The following SCN9A variants were observed in gnomAD, a reference collection of about 807,000 sequenced individuals.
The protein encoded by SCN9A is sodium voltage-gated channel alpha subunit 9.
A neutral mutation model predicts 187.0 loss-of-function variants in SCN9A; 131 were observed. That is an observed-to-expected ratio of 0.70 (90% CI 0.61 to 0.81). The LOEUF is 0.81. Among genes scored for constraint, SCN9A ranks in the 30% least tolerant of loss-of-function variants. The pLI is 0.00. For missense variants in SCN9A, 2,252 were observed against 2,396.6 expected (o/e 0.94, Z 1.26); for synonymous variants, 809 against 808.6 (o/e 1.00, Z -0.01).
chr2:166,334,286 A>G (rs942519585), intron 1 of SCN9A, among the ~76,000 whole-genome samples: 1 of 152,120 alleles, frequency 6.6e-6, no homozygotes, highest in African/African-American at 2.4e-5. Flanking sequence ...TAAATGCTGA[A>G]ATAGAATAAT....
intron 17 of SCN9A, among the ~76,000 whole-genome samples, chr2:166,260,805 G>C (rs1309547476): frequency 2.6e-5 from 4 of 151,732 alleles, no homozygotes; most frequent in Non-Finnish European, 5.9e-5. Flanking sequence ...TAAAATATCT[G>C]TGTTCAGTAA....
chr2:166,349,933 T>C (rs1238075324), intron 1 of SCN9A, among the ~76,000 whole-genome samples: 8 of 151,492 alleles, frequency 5.3e-5, no homozygotes, highest in Non-Finnish European at 8.8e-5. Context: ...GATTGCGCCA[T>C]TGCACTCCAG....
chr2:166,309,265 T>C (rs1698864061), intron 2 of SCN9A, among the ~76,000 whole-genome samples: 12 of 152,142 alleles, frequency 7.9e-5, no homozygotes, highest in Admixed American at 7.9e-4. Context: ...ACTTGAAATT[T>C]TAATAAAAAG....
At chr2:166,332,322 A>C (rs1699524517) in intron 1 of SCN9A, among the ~76,000 whole-genome samples, 1 of 152,150 alleles carries the variant, frequency 6.6e-6, no homozygotes, top group African/African-American at 2.4e-5. Flanking sequence ...CTTCCAATGA[A>C]TGCATGAGTA....
rs77192374 is a variant in SCN9A at position 166,323,511 on chromosome 2, T to TA, written c.-50-11706dup. Reference sequence around the variant, plus strand: ...TTCACAGTAAAAATTGTAAATCCTCTAAAAAATCACTGAAGTAAACACCAA... The same window carrying TA: ...TTCACAGTAAAAATTGTAAATCCTCTAAAAAAATCACTGAAGTAAACACCAA... On this transcript the variant is annotated intron_variant, in intron 1 of 26. Coordinates refer to ENST00000642356, the MANE Select transcript of SCN9A (RefSeq NM_001365536.1). Among the ~76,000 whole-genome samples, 547 of 152,174 alleles carry TA rather than the reference T, an allele frequency of 3.6e-3. 13 individuals carry two copies. In the East Asian group the frequency reaches 0.068, roughly 19 times the overall value.
chr2:166,288,320 C>T, intron 10 of SCN9A, 117 bp downstream of exon 10: 1 of 746,342 alleles, frequency 1.3e-6, no homozygotes, highest in Non-Finnish European at 2.1e-6. Flanking sequence ...ACAGTTTATA[C>T]ACAAAAATTC....
intron 1 of SCN9A, among the ~76,000 whole-genome samples, chr2:166,340,270 A>C (rs892286218): frequency 1.3e-5 from 2 of 152,186 alleles, no homozygotes; most frequent in Non-Finnish European, 2.9e-5. Flanking sequence ...AAAACATGCC[A>C]TTTTAACATT....
At chr2:166,209,491 C>T (rs934478915) in intron 24 of SCN9A, among the ~76,000 whole-genome samples, 7 of 151,930 alleles carry the variant, frequency 4.6e-5, no homozygotes, top group Non-Finnish European at 7.4e-5. Flanking sequence ...TATACACACA[C>T]ACACAAAAAG....
intron 2 of SCN9A, among the ~76,000 whole-genome samples, chr2:166,308,157 A>T (rs1030203436): frequency 1.3e-5 from 2 of 152,246 alleles, no homozygotes; most frequent in African/African-American, 4.8e-5. Context: ...ATTCACTTTT[A>T]CATGGAAAAT....
intron 1 of SCN9A, among the ~76,000 whole-genome samples, chr2:166,321,792 T>C (rs950154516): frequency 5.1e-4 from 51 of 100,558 alleles, no homozygotes; most frequent in African/African-American, 2.4e-3. Context: ...CCTGGCAAAA[T>C]CTTTTTTTTT....
intron 4 of SCN9A, among the ~76,000 whole-genome samples, chr2:166,306,241 A>T (rs1220079468): frequency 6.6e-6 from 1 of 152,146 alleles, no homozygotes; most frequent in Non-Finnish European, 1.5e-5. Flanking sequence ...TATAAAACAT[A>T]CACCCAAGAA....
chr2:166,352,043 A>C (rs1481509932), intron 1 of SCN9A, among the ~76,000 whole-genome samples: 1 of 152,210 alleles, frequency 6.6e-6, no homozygotes, highest in Non-Finnish European at 1.5e-5. Flanking sequence ...TTTCTTAAGA[A>C]ACACGTACAA....
chr2:166,355,657 C>G (rs1386306404), intron 1 of SCN9A, among the ~76,000 whole-genome samples: 2 of 151,752 alleles, frequency 1.3e-5, no homozygotes, highest in Non-Finnish European at 2.9e-5. Flanking sequence ...TATATAATTA[C>G]TCTTTAAAGG....
intron 1 of SCN9A, among the ~76,000 whole-genome samples, chr2:166,375,311 C>T (rs983031896): frequency 1.3e-5 from 2 of 152,076 alleles, no homozygotes; most frequent in African/African-American, 2.4e-5. Context: ...GCTTTTTGCT[C>T]GTAAAAAATG....
Position 166,281,828 on chromosome 2 carries a change from A to G in SCN9A, c.1975-20T>C. The G allele has an allele frequency of 6.3e-7, 1 of 1,599,826 alleles. No individual in the cohort carries two copies. The highest frequency in any genetic ancestry group is 1.3e-5 in the African/African-American group (1 of 74,170). ...CGTGCCCTAAAAAAAAAATCAATTA[A>G]TGTCTTAAGAACAGAATCCTAATAA... On this transcript the variant is annotated intron_variant, in intron 12 of 26. Coordinates refer to ENST00000642356, the MANE Select transcript of SCN9A (RefSeq NM_001365536.1).
chr2:166,274,112 T>G (rs7586794), intron 16 of SCN9A, among the ~76,000 whole-genome samples: 23,866 of 152,136 alleles, frequency 0.16, 2,666 homozygotes, highest in African/African-American at 0.31. Flanking sequence ...AGGGTCCATT[T>G]TACTGCTTTA....
intron 7 of SCN9A, among the ~76,000 whole-genome samples, chr2:166,299,317 C>A (rs974835717): frequency 1.3e-5 from 2 of 150,764 alleles, no homozygotes; most frequent in South Asian, 4.1e-4. Context: ...CTTCTTTTCA[C>A]CCCTGTATGC....
intron 24 of SCN9A, among the ~76,000 whole-genome samples, chr2:166,207,025 C>T (rs1006919754): frequency 6.6e-6 from 1 of 152,104 alleles, no homozygotes; most frequent in African/African-American, 2.4e-5. Context: ...CTGGAAAAGC[C>T]TAAATCTTAC....
At chr2:166,291,383 C>G (rs1285490138) in intron 9 of SCN9A, among the ~76,000 whole-genome samples, 1 of 151,996 alleles carries the variant, frequency 6.6e-6, no homozygotes, top group East Asian at 1.9e-4. Context: ...ATATGAAAGA[C>G]CTCTTCAAGA....
Sources: gnomAD v4.1 joint callset for allele counts (sites outside exome capture counted in the v4.1 genomes callset) on GRCh38, gnomAD v4.1.1 for gene constraint, MANE v1.5 for transcripts, NCBI Gene and HGNC (gene_info 2026-07-23, HGNC 2026-07-21) for gene names.